PCDHGA3: variants seen among roughly 807,000 people sequenced by gnomAD.
PCDHGA3 encodes the protein protocadherin gamma-A3.
Under a neutral mutation model 58.5 loss-of-function variants are expected in PCDHGA3, and 40 were observed. That is an observed-to-expected ratio of 0.68 (90% CI 0.53 to 0.89). The LOEUF (loss-of-function observed/expected upper bound fraction) is 0.89. PCDHGA3 is among the 40% of genes least tolerant of loss of function. The pLI, the probability that PCDHGA3 is intolerant of heterozygous loss-of-function variation, is 0.00. For synonymous variants in PCDHGA3, 530 were observed against 525.7 expected (o/e 1.01, Z -0.11); for missense variants, 1,223 against 1,195.9 (o/e 1.02, Z -0.33).
At chr5:141,502,953 C>G (rs145774277) in intron 2 of PCDHGA3, among the ~76,000 whole-genome samples, 1,594 of 147,762 alleles carry the variant, frequency 0.011, 24 homozygotes, top group African/African-American at 0.037. Context: ...AAGCGATTCT[C>G]CTGCCTCAGC....
intron 1 of PCDHGA3, among the ~76,000 whole-genome samples, chr5:141,373,223 T>C (rs1769412774): frequency 6.6e-6 from 1 of 152,256 alleles, no homozygotes; most frequent in Admixed American, 6.5e-5. Context: ...ATGTAACCTG[T>C]ATATAATATT....
chr5:141,504,907 A>G (rs2099841813), intron 2 of PCDHGA3, among the ~76,000 whole-genome samples: 1 of 152,100 alleles, frequency 6.6e-6, no homozygotes, highest in African/African-American at 2.4e-5. Context: ...TCACTATGAC[A>G]GGAAGCCAGG....
At chr5:141,362,648 T>G in intron 1 of PCDHGA3, 1 of 1,442,070 alleles carries the variant, frequency 6.9e-7, no homozygotes, top group African/African-American at 1.4e-5. Flanking sequence ...TGTCTGTGAG[T>G]TAGATTTGGC....
intron 1 of PCDHGA3, chr5:141,372,275 C>T (rs1308117997): frequency 4.3e-6 from 7 of 1,613,024 alleles, no homozygotes; most frequent in South Asian, 2.2e-5. Context: ...GTGAGGTGCG[C>T]ACGGCGCGTA....
chr5:141,485,033 T>C lies in PCDHGA3; in HGVS notation c.2425-9774T>C. 1 of 689,352 alleles carries C rather than the reference T, an allele frequency of 1.5e-6. No homozygotes were observed. The highest frequency in any genetic ancestry group is 2.5e-6 in the Non-Finnish European group (1 of 392,590). The allele number at this position is 689,352 out of a possible 1,614,324, so 42.7% of individuals were successfully genotyped here. On this transcript the variant is annotated intron_variant, in intron 1 of 3. Coordinates refer to ENST00000253812, the MANE Select transcript of PCDHGA3 (RefSeq NM_018916.4). This position sits in a 1 kb window ranked among gnomAD's most constrained non-coding sequence, Gnocchi z 5.7. ...CCCCGCCACCAGCAAAAACGGCGCG[T>C]AACCCTTGCGGCGCCGGCCGAACCG...
At position 141,346,294 on chromosome 5, in the gene PCDHGA3, C is replaced by T. The variant is rs1185179308; in HGVS notation, c.2261C>T (p.Ser754Phe). The change falls in exon 1 of 4, where the codon TCC becomes TTC. Residue 754 changes from serine to phenylalanine, a missense_variant. Transcript: ENST00000253812. ...GTTCGGGCTTTCCTGCAGACCTATT[C>T]CCACGAGGTCTCCCTCACTGCGGAC... is the stretch of plus-strand genomic sequence containing the variant. ...DGVRAFLQTY[S>F]HEVSLTADSR... 1 of 1,614,226 alleles carries T rather than the reference C, an allele frequency of 6.2e-7. No homozygotes were observed. The highest frequency in any genetic ancestry group is 1.7e-5 in the Admixed American group (1 of 60,034).
At chr5:141,352,112 C>T in intron 1 of PCDHGA3, 10 of 1,607,436 alleles carry the variant, frequency 6.2e-6, no homozygotes, top group Non-Finnish European at 8.5e-6. Flanking sequence ...CCTGGGGTTG[C>T]GCACGGGTGA....
intron 1 of PCDHGA3, chr5:141,361,606 A>G (rs367687761): frequency 1.9e-6 from 3 of 1,613,784 alleles, no homozygotes; most frequent in African/African-American, 2.7e-5. Flanking sequence ...TTCCTACTCC[A>G]TCGTAGCGAG....
rs1033888717 is a variant in PCDHGA3 at position 141,512,540 on chromosome 5, T to C, written c.*1367T>C. 6.5e-6 allele frequency: 1 copy of C among 152,886 alleles called. No homozygotes were observed. Among genetic ancestry groups the C allele is most frequent in the African/African-American group, 2.4e-5 (1 of 41,476 alleles). 9.5% of individuals were successfully genotyped at this position (152,886 alleles called of 1,614,324 possible). ...CCATAGCCTGGTTAAAGTTCCCCAGTGCCTCCTTGTGCATAGACCTTCTTC... is the reference window on the plus strand; with the variant it reads ...CCATAGCCTGGTTAAAGTTCCCCAGCGCCTCCTTGTGCATAGACCTTCTTC... On this transcript the variant is annotated 3_prime_UTR_variant, in exon 4 of 4. Transcript: ENST00000253812.
rs747064148 is a variant in PCDHGA3, at chr5:141,395,059, T to C, written c.2424+48602T>C. 1 of 1,614,180 alleles carries C rather than the reference T, an allele frequency of 6.2e-7. No individual in the cohort carries two copies. The stretch of plus-strand genomic sequence containing the variant: ...GTGGGTGTTGAGGAGGTACAGGCTT[T>C]CCTGCAGACCTATTCCCAGGAAGTC... On this transcript the variant is annotated intron_variant, in intron 1 of 3. Transcript: ENST00000253812.
intron 1 of PCDHGA3, chr5:141,400,431 A>G (rs542969819): frequency 3.0e-5 from 48 of 1,614,034 alleles, no homozygotes; most frequent in African/African-American, 1.1e-4. Context: ...GTAGTGAGCA[A>G]TTGAGTTCAG....
intron 1 of PCDHGA3, among the ~76,000 whole-genome samples, chr5:141,442,680 A>C (rs2098335997): frequency 6.6e-6 from 1 of 152,270 alleles, no homozygotes; most frequent in Non-Finnish European, 1.5e-5. Flanking sequence ...CTTGAGGGAC[A>C]GTAGTCAGGC....
chr5:141,438,635 TACACAC>T (rs56854727), intron 1 of PCDHGA3, among the ~76,000 whole-genome samples: 557 of 33,182 alleles, frequency 0.017, 8 homozygotes, highest in South Asian at 0.028. Flanking sequence ...TATATATATA[TACACAC>T]ACACACACAC....
chr5:141,445,129 A>G (rs1405841381), intron 1 of PCDHGA3, among the ~76,000 whole-genome samples: 3 of 152,226 alleles, frequency 2.0e-5, no homozygotes, highest in Non-Finnish European at 4.4e-5. Context: ...TATTTTTAAA[A>G]TTGTATCTTC....
chr5:141,380,608 T>C (rs1014267122), intron 1 of PCDHGA3, among the ~76,000 whole-genome samples: 2 of 152,244 alleles, frequency 1.3e-5, no homozygotes. Flanking sequence ...TATTTAATTT[T>C]ATGATGTTCG....
In PCDHGA3 at chr5:141,346,441, A is replaced by G. The variant is rs752229243; in HGVS notation, c.2408A>G (p.Asp803Gly). The G allele has an allele frequency of 5.6e-6, 9 of 1,614,258 alleles. No homozygotes were observed. The highest frequency in any genetic ancestry group is 2.2e-5 in the East Asian group (1 of 44,888). Residue 803 changes from aspartate (D) to glycine (G), a missense_variant, in exon 1 of 4, where the codon GAT becomes GGT. Asp to Gly is a moderately conservative substitution (Grantham distance 94). Transcript: ENST00000253812. The part of the protein sequence containing the change: ...ITQDLLEMKG[D>G]SNLLQQAPPN... ...CAGGATTTACTTGAAATGAAAGGAG[A>G]TTCCAACCTACTTCAGGTGAGTTTA... is the stretch of plus-strand genomic sequence containing the variant.
rs751349784 is a variant in PCDHGA3, at chr5:141,352,365, C to A, written c.2424+5908C>A. On this transcript the variant is annotated intron_variant, in intron 1 of 3. Coordinates refer to ENST00000253812, the MANE Select transcript of PCDHGA3 (RefSeq NM_018916.4). ...TTGATCTCAGTGCTCTTTCTCCTCGCGGTGATTCTAGCGATCGCCCTGCGC... is the reference window on the plus strand; with the variant it reads ...TTGATCTCAGTGCTCTTTCTCCTCGAGGTGATTCTAGCGATCGCCCTGCGC... The A allele has an allele frequency of 3.1e-6, 5 of 1,613,928 alleles. No individual in the cohort carries two copies. The African/African-American group carries it at 4.0e-5, about 13-fold the overall frequency.
intron 1 of PCDHGA3, among the ~76,000 whole-genome samples, chr5:141,488,541 T>C (rs2099676694): frequency 6.6e-6 from 1 of 152,184 alleles, no homozygotes; most frequent in South Asian, 2.1e-4. Flanking sequence ...CTAAGTCCCA[T>C]GTCAGCTGAC....
chr5:141,351,376 T>C (rs1181655493), intron 1 of PCDHGA3: 2 of 1,612,508 alleles, frequency 1.2e-6, no homozygotes, highest in East Asian at 2.2e-5. Flanking sequence ...ACAAGGATTC[T>C]GGGCAAAATG....
Sources: gnomAD v4.1 joint callset for allele counts (sites outside exome capture counted in the v4.1 genomes callset) on GRCh38, gnomAD v4.1.1 for gene constraint, Gnocchi (gnomAD v3.1) non-coding constraint, MANE v1.5 for transcripts, NCBI Gene and HGNC (gene_info 2026-07-23, HGNC 2026-07-21) for gene names.